Variants in SGCD observed in about 807,000 individuals in gnomAD.
SGCD encodes sarcoglycan delta.
SGCD carries 18 observed loss-of-function variants against 36.6 expected under a neutral mutation model. The observed-to-expected ratio is 0.49, with a 90% CI of 0.34 to 0.73. The LOEUF (loss-of-function observed/expected upper bound fraction) is 0.73, where lower values mean the gene tolerates loss of function less well. Ranked by LOEUF, SGCD falls within the 30% of genes least tolerant of loss-of-function variation. SGCD has a pLI of 0.01. For missense variants in SGCD, 387 were observed against 346.7 expected (o/e 1.12, Z -0.92); for synonymous variants, 133 against 130.6 (o/e 1.02, Z -0.12).
intron 3 of SGCD, among the ~76,000 whole-genome samples, chr5:156,373,116 G>T (rs1481630603): frequency 6.6e-6 from 1 of 152,142 alleles, no homozygotes; most frequent in Non-Finnish European, 1.5e-5. Context: ...TAATTTAGCT[G>T]TCCAGACATT....
At chr5:156,481,791 A>C (rs559453055) in intron 3 of SGCD, among the ~76,000 whole-genome samples, 2 of 152,336 alleles carry the variant, frequency 1.3e-5, no homozygotes, top group East Asian at 1.9e-4. Context: ...ACACCTGGAC[A>C]CAGAACCCAG....
At chr5:155,892,118 G>A (rs1445546874) in intron 1 of SGCD, among the ~76,000 whole-genome samples, 2 of 152,048 alleles carry the variant, frequency 1.3e-5, no homozygotes, top group African/African-American at 2.4e-5. Flanking sequence ...TTTGTCTTGG[G>A]GAGGTATTAT....
intron 3 of SGCD, among the ~76,000 whole-genome samples, chr5:156,313,726 T>C (rs1767446523): frequency 6.6e-6 from 1 of 152,100 alleles, no homozygotes; most frequent in African/African-American, 2.4e-5. Flanking sequence ...TTTAGGGTAC[T>C]AGGATCATAG....
intron 3 of SGCD, among the ~76,000 whole-genome samples, chr5:156,213,024 A>G (rs1764484622): frequency 6.6e-6 from 1 of 152,114 alleles, no homozygotes; most frequent in African/African-American, 2.4e-5. Context: ...AGTTTATAGT[A>G]ATAAATGTCT....
intron 2 of SGCD, among the ~76,000 whole-genome samples, chr5:156,337,867 AT>A (rs1261428041): frequency 2.0e-5 from 3 of 151,998 alleles, no homozygotes; most frequent in African/African-American, 4.8e-5. Context: ...TGGGATTGGA[AT>A]TTTTTTTGTA....
chr5:156,461,963 A>G (rs1459622678), intron 3 of SGCD, among the ~76,000 whole-genome samples: 2 of 152,180 alleles, frequency 1.3e-5, no homozygotes, highest in East Asian at 1.9e-4. Context: ...TCTTACAAAT[A>G]TTAGAGATTT....
intron 1 of SGCD, among the ~76,000 whole-genome samples, chr5:155,914,693 A>G (rs1580988290): frequency 6.6e-6 from 1 of 152,198 alleles, no homozygotes; most frequent in African/African-American, 2.4e-5. Flanking sequence ...CCCTACAAGT[A>G]TGCTTCAACA....
chr5:156,358,568 A>C (rs1047385192), intron 3 of SGCD, among the ~76,000 whole-genome samples: 2 of 152,202 alleles, frequency 1.3e-5, no homozygotes, highest in African/African-American at 4.8e-5. Context: ...TAAGTGCTTG[A>C]GATATGAGAG....
At chr5:155,954,785 A>G (rs1025074354) in intron 1 of SGCD, among the ~76,000 whole-genome samples, 5 of 152,150 alleles carry the variant, frequency 3.3e-5, no homozygotes, top group African/African-American at 4.8e-5. Flanking sequence ...GAGCCTTACT[A>G]TGAAGAATTG....
intron 1 of SGCD, among the ~76,000 whole-genome samples, chr5:155,872,785 A>G (rs1322011720): frequency 6.6e-6 from 1 of 152,182 alleles, no homozygotes; most frequent in Non-Finnish European, 1.5e-5. Flanking sequence ...TGAAAACATG[A>G]CTGGTCTGGT....
At chr5:156,512,175 C>T (rs1378541204) in intron 4 of SGCD, among the ~76,000 whole-genome samples, 3 of 116,762 alleles carry the variant, frequency 2.6e-5, no homozygotes, top group Non-Finnish European at 4.9e-5. Flanking sequence ...GCCTGGATGA[C>T]AGTGAGACTC....
At chr5:155,772,468 A>G in the SGCD span, among the ~76,000 whole-genome samples, 1 of 152,190 alleles carries the variant, frequency 6.6e-6, no homozygotes, top group Non-Finnish European at 1.5e-5. Flanking sequence ...TTGCCACTTC[A>G]TCAGGCAGAG....
intron 3 of SGCD, among the ~76,000 whole-genome samples, chr5:156,384,750 A>C (rs1175138914): frequency 6.6e-6 from 1 of 151,948 alleles, no homozygotes; most frequent in Non-Finnish European, 1.5e-5. Flanking sequence ...AGAATTCTAG[A>C]CTCTAGGGTA....
chr5:156,539,278 A>C (rs1463304110), intron 4 of SGCD, among the ~76,000 whole-genome samples: 1 of 151,850 alleles, frequency 6.6e-6, no homozygotes. Context: ...TATTATTTCA[A>C]TAGTTTTGGG....
At chr5:155,967,305 T>G (rs1256277813) in intron 1 of SGCD, among the ~76,000 whole-genome samples, 3 of 152,004 alleles carry the variant, frequency 2.0e-5, no homozygotes, top group Non-Finnish European at 4.4e-5. Flanking sequence ...TTGTTGCACT[T>G]GGAGGGAAGT....
At chr5:156,525,765 T>C (rs1384024620) in intron 4 of SGCD, among the ~76,000 whole-genome samples, 1 of 152,140 alleles carries the variant, frequency 6.6e-6, no homozygotes, top group Middle Eastern at 3.2e-3. Context: ...GTGTACAGTA[T>C]AAAATAAGGA....
chr5:155,923,676 C>A, intron 1 of SGCD, among the ~76,000 whole-genome samples: 1 of 152,146 alleles, frequency 6.6e-6, no homozygotes, highest in East Asian at 1.9e-4. Flanking sequence ...GAAAAGGAAT[C>A]AAGGGAATTG....
chr5:156,017,809 G>T (rs930851300), intron 1 of SGCD, among the ~76,000 whole-genome samples: 4 of 151,748 alleles, frequency 2.6e-5, no homozygotes, highest in Admixed American at 1.3e-4. Flanking sequence ...GGCTTTTATT[G>T]TATTACATTT....
chr5:156,043,450 G>T (rs1391577282), intron 1 of SGCD, among the ~76,000 whole-genome samples: 7 of 152,068 alleles, frequency 4.6e-5, no homozygotes, highest in Admixed American at 4.6e-4. Flanking sequence ...ATTTCTCAGG[G>T]GTTTGGCAAA....
Sources: allele counts gnomAD v4.1 joint callset (sites outside exome capture counted in the v4.1 genomes callset), GRCh38; gene constraint gnomAD v4.1.1; transcripts MANE v1.5; gene names NCBI Gene and HGNC (gene_info 2026-07-23, HGNC 2026-07-21).